Variants in CPXM2 observed in about 807,000 individuals in gnomAD.
CPXM2 encodes the protein inactive carboxypeptidase-like protein X2.
Under a neutral mutation model 86.1 loss-of-function variants are expected in CPXM2, and 66 were observed. The observed-to-expected ratio is 0.77, with a 90% CI of 0.63 to 0.94. The LOEUF (loss-of-function observed/expected upper bound fraction) is 0.94, where lower values mean the gene tolerates loss of function less well. CPXM2 is among the 40% of genes least tolerant of loss of function. The pLI is 0.00. For synonymous variants in CPXM2, 388 were observed against 400.2 expected, an observed-to-expected ratio of 0.97 and a Z score of 0.36; for missense variants, 948 against 1,026.3, an observed-to-expected ratio of 0.92 and a Z score of 1.04.
chr10:123,750,363 T>C (rs1015957899), intron 13 of CPXM2: 2 of 971,312 alleles, frequency 2.1e-6, no homozygotes, highest in African/African-American at 3.5e-5. Flanking sequence ...CCAGCCGGCC[T>C]CTCTCCAGCC....
At chr10:123,936,428 T>C (rs1945721164) in intron 2 of CPXM2, among the ~76,000 whole-genome samples, 1 of 152,234 alleles carries the variant, frequency 6.6e-6, no homozygotes, top group African/African-American at 2.4e-5. Context: ...GTCAGTTTCC[T>C]ACGGCATGGG....
upstream of CPXM2, among the ~76,000 whole-genome samples, chr10:123,942,279 G>T (rs1056199268): frequency 1.3e-5 from 2 of 152,134 alleles, no homozygotes; most frequent in East Asian, 3.9e-4. Context: ...AACAGGGACT[G>T]GGTAAACCGA....
chr10:123,899,439 A>G (rs1945364285), intron 2 of CPXM2, among the ~76,000 whole-genome samples: 1 of 152,274 alleles, frequency 6.6e-6, no homozygotes, highest in Non-Finnish European at 1.5e-5. Flanking sequence ...TTAGAAAAGC[A>G]GTTCATAATA....
intron 2 of CPXM2, among the ~76,000 whole-genome samples, chr10:123,925,935 C>A (rs1439238239): frequency 6.6e-6 from 1 of 152,114 alleles, no homozygotes; most frequent in Non-Finnish European, 1.5e-5. Context: ...GCAAAAGTGC[C>A]CTATTTTCAC....
chr10:123,879,730 C>A (rs1210004917), intron 2 of CPXM2, among the ~76,000 whole-genome samples: 6 of 152,094 alleles, frequency 3.9e-5, no homozygotes, highest in Non-Finnish European at 8.8e-5. Flanking sequence ...TTTGAACATT[C>A]CAAGGTGAGT....
At chr10:123,851,626 G>A (rs555874120) in intron 3 of CPXM2, among the ~76,000 whole-genome samples, 15 of 152,118 alleles carry the variant, frequency 9.9e-5, no homozygotes, top group East Asian at 5.8e-4. Flanking sequence ...AAAATTAGCC[G>A]GGCATGGTGG....
chr10:123,775,913 C>T (rs1846774978), intron 7 of CPXM2, among the ~76,000 whole-genome samples: 1 of 152,210 alleles, frequency 6.6e-6, no homozygotes, highest in Admixed American at 6.5e-5. Context: ...AATGAAGTTT[C>T]CCATTTAAAC....
At chr10:123,773,571 C>T (rs1478097564) in intron 7 of CPXM2, among the ~76,000 whole-genome samples, 1 of 152,170 alleles carries the variant, frequency 6.6e-6, no homozygotes, top group Non-Finnish European at 1.5e-5. Context: ...TCAACTTTTT[C>T]TCATAATTTA....
intron 2 of CPXM2, among the ~76,000 whole-genome samples, chr10:123,903,072 C>T (rs938056910): frequency 2.0e-5 from 3 of 152,224 alleles, no homozygotes; most frequent in African/African-American, 7.2e-5. Context: ...TGGGGGAGCC[C>T]TCCATGATTG....
rs928495456 is a variant in CPXM2 at position 123,754,227 on chromosome 10, C to T, written c.2017+436G>A. The stretch of plus-strand genomic sequence containing the variant: ...CTTGCTGCTGGTCCCTTCAAACTCT[C>T]CACTCCTCCACAAGTCACCCAGTCT... On this transcript the variant is annotated intron_variant, in intron 13 of 13. Transcript: ENST00000241305. This position sits in a 1 kb window ranked among gnomAD's most constrained non-coding sequence, Gnocchi z 4.0. 2.0e-5 allele frequency among the ~76,000 whole-genome samples: 3 copies of T among 152,194 alleles called. No homozygotes were observed.
intron 3 of CPXM2, among the ~76,000 whole-genome samples, chr10:123,854,336 G>A (rs1226844640): frequency 1.2e-4 from 14 of 121,320 alleles, no homozygotes; most frequent in African/African-American, 4.0e-4. Context: ...AAGAGCTAGT[G>A]AACAAATATA....
intron 3 of CPXM2, among the ~76,000 whole-genome samples, chr10:123,846,992 T>G (rs1564795723): frequency 6.6e-6 from 1 of 152,224 alleles, no homozygotes; most frequent in African/African-American, 2.4e-5. Flanking sequence ...AAATATTTCC[T>G]GACTCAAAAT....
chr10:123,782,296 T>G (rs1846952565), intron 6 of CPXM2, among the ~76,000 whole-genome samples: 1 of 152,256 alleles, frequency 6.6e-6, no homozygotes. Flanking sequence ...CTAAGAGCTA[T>G]TCAACACGCC....
intron 2 of CPXM2, among the ~76,000 whole-genome samples, chr10:123,930,769 G>A (rs1945661129): frequency 6.6e-6 from 1 of 152,226 alleles, no homozygotes; most frequent in South Asian, 2.1e-4. Context: ...CTGAAAGAAT[G>A]CTCCAAAGCC....
intron 2 of CPXM2, among the ~76,000 whole-genome samples, chr10:123,873,368 G>T (rs150544964): frequency 1.3e-5 from 2 of 152,256 alleles, no homozygotes; most frequent in South Asian, 4.1e-4. Context: ...ATTAAAGAAG[G>T]TCTAATAAGT....
intron 2 of CPXM2, among the ~76,000 whole-genome samples, chr10:123,870,654 C>T (rs541124689): frequency 6.6e-6 from 1 of 152,276 alleles, no homozygotes; most frequent in Admixed American, 6.5e-5. Context: ...TGGGAAATCT[C>T]TGAGCCAATC....
At chr10:123,836,293 C>T (rs1848278951) in intron 4 of CPXM2, among the ~76,000 whole-genome samples, 2 of 152,072 alleles carry the variant, frequency 1.3e-5, no homozygotes, top group African/African-American at 2.4e-5. Context: ...CTGTCTTCCC[C>T]TGCCAATCCT....
chr10:123,891,775 G>A lies in CPXM2; in HGVS notation c.-116C>T. 2 of 677,284 alleles carry A rather than the reference G, an allele frequency of 3.0e-6. No individual in the cohort carries two copies. The highest frequency in any genetic ancestry group is 4.0e-6 in the Non-Finnish European group (2 of 501,630). 42.0% of individuals were successfully genotyped at this position (677,284 alleles called of 1,614,324 possible). A position where few individuals can be genotyped will look rare whatever the true frequency, so the allele number is the denominator to read the frequency against. ...CAGGGCACAGCAGAGCGGCGCGCTT[G>A]GGCGCGGGAGGCGGCCGGCTGGCTG... On this transcript the variant is annotated 5_prime_UTR_variant, in exon 1 of 14. Coordinates refer to ENST00000241305, the MANE Select transcript of CPXM2 (RefSeq NM_198148.3). The surrounding 1 kb of genome is among the most constrained non-coding windows in gnomAD (Gnocchi z 5.6).
intron 6 of CPXM2, among the ~76,000 whole-genome samples, chr10:123,783,962 A>T (rs1361339843): frequency 6.6e-6 from 1 of 152,084 alleles, no homozygotes; most frequent in East Asian, 1.9e-4. Flanking sequence ...TCCTTATTAA[A>T]CTACTCAAGC....
Sources: gnomAD v4.1 joint callset for allele counts (sites outside exome capture counted in the v4.1 genomes callset) on GRCh38, gnomAD v4.1.1 for gene constraint, Gnocchi (gnomAD v3.1) non-coding constraint, MANE v1.5 for transcripts, NCBI Gene and HGNC (gene_info 2026-07-23, HGNC 2026-07-21) for gene names.